The following IQGAP2 variants were observed in gnomAD, a reference collection of about 807,000 sequenced individuals.
IQGAP2 encodes ras GTPase-activating-like protein IQGAP2.
A neutral mutation model predicts 201.3 loss-of-function variants in IQGAP2; 173 were observed. That is an observed-to-expected ratio of 0.86 (90% CI 0.76 to 0.98). IQGAP2 has a LOEUF of 0.98. IQGAP2 is among the 50% of genes least tolerant of loss of function. The pLI, the probability that IQGAP2 is intolerant of heterozygous loss-of-function variation, is 0.00. For synonymous variants in IQGAP2, 675 were observed against 673.9 expected (o/e 1.00, Z -0.03); for missense variants, 1,687 against 1,864.8 (o/e 0.90, Z 1.76).
chr5:76,521,203 A>G (rs1758660933), intron 2 of IQGAP2, among the ~76,000 whole-genome samples: 1 of 152,158 alleles, frequency 6.6e-6, no homozygotes, highest in Non-Finnish European at 1.5e-5. Flanking sequence ...ACACTAGAAA[A>G]CATAATTATT....
At chr5:76,663,270 T>C (rs1487596498) in intron 21 of IQGAP2, among the ~76,000 whole-genome samples, 1 of 152,196 alleles carries the variant, frequency 6.6e-6, no homozygotes, top group East Asian at 1.9e-4. Flanking sequence ...AACACTGTTG[T>C]CCACACTGCC....
At chr5:76,626,270 C>CTTTTTTTTTTT (rs34251090) in intron 13 of IQGAP2, among the ~76,000 whole-genome samples, 45 of 83,654 alleles carry the variant, frequency 5.4e-4, no homozygotes, top group African/African-American at 6.4e-4. Context: ...TTCTTCTTTT[C>CTTTTTTTTTTT]TTTTTTTTTT....
At chr5:76,605,984 T>G (rs184992245) in intron 11 of IQGAP2, among the ~76,000 whole-genome samples, 195 bp from the exon 12 acceptor site, 3 of 152,314 alleles carry the variant, frequency 2.0e-5, no homozygotes, top group Admixed American at 2.0e-4. Flanking sequence ...TTCATAAAAA[T>G]ACTTTAAGAA....
At chr5:76,582,665 G>A (rs1745951510) in intron 5 of IQGAP2, among the ~76,000 whole-genome samples, 1 of 152,126 alleles carries the variant, frequency 6.6e-6, no homozygotes, top group Non-Finnish European at 1.5e-5. Context: ...TATCCTGAAA[G>A]TATAGAAAAA....
chr5:76,584,020 G>A (rs1746067154), intron 5 of IQGAP2, among the ~76,000 whole-genome samples: 1 of 151,980 alleles, frequency 6.6e-6, no homozygotes, highest in African/African-American at 2.4e-5. Flanking sequence ...TTACAGGCGT[G>A]TGCCACCGTG....
intron 1 of IQGAP2, among the ~76,000 whole-genome samples, chr5:76,408,997 T>C (rs1224285705): frequency 1.3e-5 from 2 of 151,970 alleles, no homozygotes; most frequent in Non-Finnish European, 2.9e-5. Context: ...TTTCCCCGTG[T>C]GGTCAGGCTG....
At chr5:76,669,438 A>AT (rs549270795) in intron 23 of IQGAP2, among the ~76,000 whole-genome samples, 121 of 152,292 alleles carry the variant, frequency 7.9e-4, no homozygotes, top group African/African-American at 2.6e-3. Context: ...GAGACATGTG[A>AT]TTCGTGAGAA....
chr5:76,569,969 G>T (rs1302886911), intron 3 of IQGAP2, among the ~76,000 whole-genome samples: 1 of 152,168 alleles, frequency 6.6e-6, no homozygotes, highest in Non-Finnish European at 1.5e-5. Flanking sequence ...GGTAGAAAAA[G>T]ATCTTGTTAA....
chr5:76,436,787 C>G (rs1227697346), intron 1 of IQGAP2, among the ~76,000 whole-genome samples: 1 of 151,206 alleles, frequency 6.6e-6, no homozygotes, highest in East Asian at 2.0e-4. Context: ...CTCGGCCTCC[C>G]AAAGTGTTGG....
intron 1 of IQGAP2, among the ~76,000 whole-genome samples, chr5:76,420,560 A>G (rs1312481246): frequency 1.3e-5 from 2 of 151,956 alleles, no homozygotes; most frequent in African/African-American, 4.8e-5. Flanking sequence ...GATTTTTAGT[A>G]TAGATGGGGT....
chr5:76,686,649 A>G (rs1331647971), intron 30 of IQGAP2, among the ~76,000 whole-genome samples: 1 of 152,142 alleles, frequency 6.6e-6, no homozygotes, highest in Non-Finnish European at 1.5e-5. Flanking sequence ...AGCTGGGACT[A>G]CAGGTGTCTG....
At chr5:76,700,322 C>T (rs759306353) in intron 33 of IQGAP2, among the ~76,000 whole-genome samples, 1 of 152,136 alleles carries the variant, frequency 6.6e-6, no homozygotes, top group East Asian at 1.9e-4. Context: ...GCTTGGCTGA[C>T]GTGGCGAAAC....
At position 76,567,072 on chromosome 5, in the gene IQGAP2, T is replaced by A. The variant is rs568834820; in HGVS notation, c.304-3508T>A. ...ATTGTAGGTTTATAATAAATTCTTG[T>A]CAAATAGGTAGGTGTGCCTTAGATA... On this transcript the variant is annotated intron_variant, in intron 3 of 35. Coordinates refer to ENST00000274364, the MANE Select transcript of IQGAP2 (RefSeq NM_006633.5). 1.4e-3 allele frequency among the ~76,000 whole-genome samples: 216 copies of A among 152,250 alleles called. 1 individual carries two copies. Among genetic ancestry groups the A allele is most frequent in the Non-Finnish European group, 1.8e-3 (125 of 68,034 alleles).
At chr5:76,448,029 C>T (rs1045392158) in intron 1 of IQGAP2, among the ~76,000 whole-genome samples, 1 of 152,038 alleles carries the variant, frequency 6.6e-6, no homozygotes, top group Non-Finnish European at 1.5e-5. Context: ...TTTGGGAAGC[C>T]TGGGGATGTG....
intron 1 of IQGAP2, among the ~76,000 whole-genome samples, chr5:76,405,596 G>C (rs1406482781): frequency 6.6e-6 from 1 of 152,220 alleles, no homozygotes; most frequent in Admixed American, 6.5e-5. Flanking sequence ...TGTATTTTCA[G>C]TGTATTCAGA....
At chr5:76,616,651 A>C (rs1749001812) in intron 13 of IQGAP2, 1 of 152,760 alleles carries the variant, frequency 6.5e-6, no homozygotes, top group Non-Finnish European at 1.5e-5. Context: ...CAGGAGTTCA[A>C]GACCAGCCTG....
At chr5:76,699,325 T>G (rs1747048821) in intron 33 of IQGAP2, 1 of 152,264 alleles carries the variant, frequency 6.6e-6, no homozygotes, top group Non-Finnish European at 1.5e-5. Context: ...ATAGTATTCT[T>G]CTGTGTGTAT....
At chr5:76,620,339 A>G (rs1279521413) in intron 13 of IQGAP2, among the ~76,000 whole-genome samples, 1 of 148,574 alleles carries the variant, frequency 6.7e-6, no homozygotes, top group Non-Finnish European at 1.5e-5. Flanking sequence ...AACACGTGAG[A>G]CTCTGATGGC....
intron 10 of IQGAP2, among the ~76,000 whole-genome samples, chr5:76,599,370 T>G (rs751155365): frequency 6.6e-5 from 10 of 152,232 alleles, no homozygotes; most frequent in Non-Finnish European, 1.0e-4. Context: ...CAAGGCTACT[T>G]ATGCTTGAGG....
Sources: gnomAD v4.1 joint callset for allele counts (sites outside exome capture counted in the v4.1 genomes callset) on GRCh38, gnomAD v4.1.1 for gene constraint, MANE v1.5 for transcripts, NCBI Gene and HGNC (gene_info 2026-07-23, HGNC 2026-07-21) for gene names.